The following FBXO27 variants were observed in gnomAD, a reference collection of about 807,000 sequenced individuals.
The protein encoded by FBXO27 is F-box only protein 27.
Under a neutral mutation model 28.3 loss-of-function variants are expected in FBXO27, and 28 were observed. The ratio of observed to expected loss-of-function variants is 0.99; its 90% CI spans 0.73 to 1.36. The LOEUF is 1.36. FBXO27 is among the 40% of genes most tolerant of loss of function. The pLI is 0.00. For missense variants in FBXO27, 388 were observed against 394.1 expected (o/e 0.98, Z 0.13); for synonymous variants, 175 against 167.3 (o/e 1.05, Z -0.36).
chr19:39,023,401 G>C (rs1206743258), downstream of FBXO27, among the ~76,000 whole-genome samples: 1 of 152,116 alleles, frequency 6.6e-6, no homozygotes, highest in African/African-American at 2.4e-5. Flanking sequence ...CCAGTTGGAG[G>C]AAAGAGCACC....
chr19:39,010,848 A>G (rs2072791063), intron 2 of FBXO27, among the ~76,000 whole-genome samples: 2 of 152,252 alleles, frequency 1.3e-5, no homozygotes, highest in South Asian at 4.1e-4. Context: ...CTGCCCCTTC[A>G]ATAAAGCTGT....
downstream of FBXO27, among the ~76,000 whole-genome samples, chr19:39,019,068 CAAAAA>C (rs71167615): frequency 1.6e-5 from 2 of 124,442 alleles, no homozygotes; most frequent in Non-Finnish European, 3.3e-5. Flanking sequence ...GACTCTATCA[CAAAAA>C]AAAAAAAAAA....
intron 1 of FBXO27, among the ~76,000 whole-genome samples, chr19:39,016,359 GGT>G (rs139861760): frequency 4.7e-5 from 7 of 149,658 alleles, no homozygotes; most frequent in Admixed American, 6.7e-5. Flanking sequence ...TAGCGGGAAG[GGT>G]GTGTGTGTGT....
chr19:39,020,330 G>A (rs1035019728), downstream of FBXO27, among the ~76,000 whole-genome samples: 4 of 151,974 alleles, frequency 2.6e-5, no homozygotes, highest in Admixed American at 6.6e-5. Flanking sequence ...TTCCACCGAC[G>A]CTTTGTCCTT....
intron 4 of FBXO27, among the ~76,000 whole-genome samples, chr19:39,027,903 G>T (rs1372699436): frequency 6.6e-6 from 1 of 152,124 alleles, no homozygotes. Flanking sequence ...TGGTCTTAGG[G>T]ATTCCATCCC....
chr19:39,027,837 C>T (rs1424484677), intron 4 of FBXO27, among the ~76,000 whole-genome samples: 1 of 151,982 alleles, frequency 6.6e-6, no homozygotes, highest in Non-Finnish European at 1.5e-5. Flanking sequence ...AATTATTACT[C>T]ATCAAACTAC....
At chr19:39,015,748 G>A (rs571906482) in intron 1 of FBXO27, among the ~76,000 whole-genome samples, 2 of 151,928 alleles carry the variant, frequency 1.3e-5, no homozygotes, top group South Asian at 4.2e-4. Flanking sequence ...ATGACATTCT[G>A]GAAAAGGCAA....
rs112397648 is a variant in FBXO27, at chr19:39,027,347, G to A, written c.573-342C>T. Among the ~76,000 whole-genome samples, 178 of 152,274 alleles carry A rather than the reference G, an allele frequency of 1.2e-3. 3 individuals are homozygous for A. Among genetic ancestry groups the A allele is most frequent in the East Asian group, 5.8e-4 (3 of 5,174 alleles). On this transcript the variant is annotated intron_variant, in intron 4 of 5. Transcript: ENST00000292853. Reference sequence around the variant, plus strand: ...TGACCTGGAGGCTGAGATTAACCACGTGGGCAATCGATCAATCCATCAGGC... The same window carrying A: ...TGACCTGGAGGCTGAGATTAACCACATGGGCAATCGATCAATCCATCAGGC...
downstream of FBXO27, among the ~76,000 whole-genome samples, chr19:39,022,290 C>A (rs899601938): frequency 6.6e-6 from 1 of 150,972 alleles, no homozygotes; most frequent in Admixed American, 6.7e-5. Flanking sequence ...ACACGCTCCC[C>A]CACCACACCC....
At chr19:39,006,827 C>T (rs1975737363) in intron 2 of FBXO27, among the ~76,000 whole-genome samples, 2 of 151,640 alleles carry the variant, frequency 1.3e-5, no homozygotes, top group South Asian at 4.2e-4. Context: ...GCCTATAATC[C>T]CAGTACTTTG....
intron 4 of FBXO27, among the ~76,000 whole-genome samples, chr19:39,030,260 G>A (rs2072894850): frequency 6.6e-6 from 1 of 152,170 alleles, no homozygotes; most frequent in African/African-American, 2.4e-5. Context: ...TAAAGTACTT[G>A]CTATGTGTTT....
chr19:39,031,019 T>C lies in FBXO27; in HGVS notation c.572+10A>G. 6.2e-7 allele frequency: 1 copy of C among 1,612,246 alleles called. No homozygotes were observed. On this transcript the variant is annotated intron_variant, in intron 4 of 5. Transcript: ENST00000292853. ...GCTTAGCAAGGGGCTATTTTAATCG[T>C]CACACTCACCAGTCAGAGACACAAA... is the stretch of plus-strand genomic sequence containing the variant.
Position 39,025,299 on chromosome 19 carries a change from T to C in FBXO27, c.*112A>G, listed in dbSNP as rs533573. ...GGCCTTTGATTGGACCCAGGAATTCTCAGTATGCCAGGGAGGTACAAGTGC... is the reference window on the plus strand; with the variant it reads ...GGCCTTTGATTGGACCCAGGAATTCCCAGTATGCCAGGGAGGTACAAGTGC... On this transcript the variant is annotated 3_prime_UTR_variant, in exon 6 of 6. Transcript: ENST00000292853. 0.85 allele frequency: 1,192,014 copies of C among 1,396,832 alleles called. 509,560 individuals carry two copies. Among genetic ancestry groups the C allele is most frequent in the African/African-American group, 0.94 (65,761 of 69,608 alleles). 86.5% of individuals were successfully genotyped at this position (1,396,832 alleles called of 1,614,324 possible). A position where few individuals can be genotyped will look rare whatever the true frequency, so the allele number is the denominator to read the frequency against.
At position 39,017,091 on chromosome 19, in the gene FBXO27, TA is replaced by T. The variant is rs2072823962; in HGVS notation, c.92-2545del. Among the ~76,000 whole-genome samples the T allele has an allele frequency of 2.0e-5, 3 of 152,096 alleles. No homozygotes were observed. In the South Asian group the frequency reaches 6.2e-4, roughly 32 times the overall value. On this transcript the variant is annotated intron_variant, in intron 1 of 2. Transcript: ENST00000598394. ...GAGTGTGAGATCCTGCCTCAACAAA[TA>T]ATTTTTTTGCTTTAAAGTGAAACTC... is the stretch of plus-strand genomic sequence containing the variant.
At chr19:39,031,809 C>A (rs1600229671) in intron 2 of FBXO27, 55 bp downstream of exon 2, 2 of 1,421,158 alleles carry the variant, frequency 1.4e-6, no homozygotes. Context: ...CCTCCGGCCC[C>A]GCTACCGCTC....
chr19:39,022,859 G>A (rs898408761), downstream of FBXO27, among the ~76,000 whole-genome samples: 12 of 152,124 alleles, frequency 7.9e-5, no homozygotes, highest in East Asian at 1.2e-3. Flanking sequence ...TAGCAATGGC[G>A]CGATCTTGGC....
intron 2 of FBXO27, among the ~76,000 whole-genome samples, chr19:39,007,774 T>C (rs4803180): frequency 0.82 from 124,997 of 152,080 alleles, 51,437 homozygotes; most frequent in Middle Eastern, 0.88. Flanking sequence ...TCCCAAGTAG[T>C]TGGGACTACG....
intron 3 of FBXO27, 40 bp from the exon 4 acceptor site, chr19:39,031,164 C>T (rs1292575130): frequency 2.5e-6 from 4 of 1,611,718 alleles, no homozygotes; most frequent in Admixed American, 1.7e-5. Flanking sequence ...ACAGGCAGGC[C>T]TTTCTCAACA....
chr19:39,015,385 C>G (rs2072815163), intron 1 of FBXO27, among the ~76,000 whole-genome samples: 1 of 141,844 alleles, frequency 7.1e-6, no homozygotes, highest in Non-Finnish European at 1.5e-5. Context: ...AATCCCAGCA[C>G]TTTGGGAGGC....
Sources: allele counts gnomAD v4.1 joint callset (sites outside exome capture counted in the v4.1 genomes callset), GRCh38; gene constraint gnomAD v4.1.1; transcripts MANE v1.5; gene names NCBI Gene and HGNC (gene_info 2026-07-23, HGNC 2026-07-21).